GOLGA8S: variants seen among roughly 807,000 people sequenced by gnomAD.
The protein encoded by GOLGA8S is golgin A8 family member S.
Under a neutral mutation model 58.9 loss-of-function variants are expected in GOLGA8S, and 23 were observed. That is an observed-to-expected ratio of 0.39 (90% CI 0.28 to 0.55). GOLGA8S has a LOEUF of 0.55. GOLGA8S is among the 20% of genes least tolerant of loss of function. The pLI is 0.63. For synonymous variants in GOLGA8S, 84 were observed against 195.7 expected (o/e 0.43, Z 4.76); for missense variants, 266 against 514.2 (o/e 0.52, Z 4.67).
chr15:23,365,572 T>G (rs1417819777), downstream of GOLGA8S: 1 of 282,918 alleles, frequency 3.5e-6, no homozygotes, highest in Middle Eastern at 1.4e-3. Flanking sequence ...GATCTAATCT[T>G]AATCACAGTG....
chr15:23,360,566 A>G lies in GOLGA8S; in HGVS notation c.786+34A>G, dbSNP rs1248777523. 27 of 821,952 alleles carry G rather than the reference A, an allele frequency of 3.3e-5. 1 individual carries two copies. The East Asian group carries it at 3.6e-4, about 11-fold the overall frequency. The allele number at this position is 821,952 out of a possible 1,614,324, so 50.9% of individuals were successfully genotyped here. On this transcript the variant is annotated intron_variant, in intron 10 of 18. Coordinates refer to ENST00000562295, the Ensembl canonical transcript of GOLGA8S. ...TGACCCTTCAGCCCCCCCACATTAG[A>G]TAGGTCACTGGATCTTTCTGGGCAC...
intron 8 of GOLGA8S, among the ~76,000 whole-genome samples, chr15:23,359,629 A>C (rs2069751233): frequency 6.9e-6 from 1 of 144,096 alleles, no homozygotes; most frequent in African/African-American, 2.6e-5. Flanking sequence ...ATAAAAACTC[A>C]GGAGAGAGCA....
exon 18 of GOLGA8S, chr15:23,364,774 T>C: frequency 6.6e-7 from 1 of 1,515,622 alleles, no homozygotes. Context: ...ACTACAACAA[T>C]GGGCACAGAA....
At chr15:23,361,414 G>C in exon 12 of GOLGA8S, 2 of 895,342 alleles carry the variant, frequency 2.2e-6, no homozygotes, top group Non-Finnish European at 1.9e-6. Flanking sequence ...AGGAGGAGAG[G>C]CTTCAGCAGC....
At chr15:23,356,227 C>G (rs1340876821) in intron 1 of GOLGA8S, among the ~76,000 whole-genome samples, 1 of 145,272 alleles carries the variant, frequency 6.9e-6, no homozygotes, top group Non-Finnish European at 1.6e-5. Flanking sequence ...TTCACACTAA[C>G]AGACGTGTGA....
Position 23,361,446 on chromosome 15 carries a change from T to A in GOLGA8S, c.1100T>A (p.Phe367Tyr), listed in dbSNP as rs768996819. The A allele has an allele frequency of 9.0e-6, 7 of 779,634 alleles. No individual in the cohort carries two copies. In the Admixed American group the frequency reaches 1.0e-4, roughly 11 times the overall value. 48.3% of individuals were successfully genotyped at this position (779,634 alleles called of 1,614,324 possible). ...CAGCTGGCCGAGCCACAGAACAGCT[T>A]CAAGGAGCTGGTGCGTTGCCCCAGC... is the stretch of plus-strand genomic sequence containing the variant. The change falls in exon 12 of 19, where the codon TTC becomes TAC. Residue 367 changes from phenylalanine to tyrosine, a missense_variant. Physicochemically the swap from Phe to Tyr is conservative, Grantham distance 22. Transcript: ENST00000562295.
intron 4 of GOLGA8S, among the ~76,000 whole-genome samples, chr15:23,357,981 C>G (rs561374344): frequency 6.7e-6 from 1 of 149,596 alleles, no homozygotes; most frequent in African/African-American, 2.5e-5. Context: ...TTTTTGGGCT[C>G]ATGTTTCCAT....
Position 23,363,776 on chromosome 15 carries a change from C to A in GOLGA8S, c.1347+7C>A. 2 of 584,666 alleles carry A rather than the reference C, an allele frequency of 3.4e-6. 1 individual carries two copies. Among genetic ancestry groups the A allele is most frequent in the South Asian group, 3.9e-5 (2 of 51,694 alleles). The allele number at this position is 584,666 out of a possible 1,614,324, so 36.2% of individuals were successfully genotyped here. A position where few individuals can be genotyped will look rare whatever the true frequency, so the allele number is the denominator to read the frequency against. Reference sequence around the variant, plus strand: ...GGAGAGCAGGGAGGCCATGGTGAGCCTGACTCCCCCTGCACCCATTTTGCC... The same window carrying A: ...GGAGAGCAGGGAGGCCATGGTGAGCATGACTCCCCCTGCACCCATTTTGCC... On this transcript the variant is annotated splice_region_variant and intron_variant, in intron 15 of 18. Transcript: ENST00000562295.
downstream of GOLGA8S, chr15:23,365,386 G>A (rs1203608261): frequency 1.7e-5 from 10 of 605,468 alleles, no homozygotes; most frequent in Admixed American, 9.1e-5. Context: ...TAGGTCATTA[G>A]CATGCATATC....
At chr15:23,368,263 C>T (rs1329744921), downstream of GOLGA8S, among the ~76,000 whole-genome samples, 3 of 151,772 alleles carry the variant, frequency 2.0e-5, no homozygotes, top group Non-Finnish European at 4.4e-5. Context: ...CCTAGAGTGG[C>T]CTTATTGACT....
At chr15:23,367,971 C>T (rs1042580164), downstream of GOLGA8S, among the ~76,000 whole-genome samples, 14 of 151,644 alleles carry the variant, frequency 9.2e-5, no homozygotes, top group African/African-American at 3.1e-4. Flanking sequence ...GTAAATCAGC[C>T]CTATCCATAA....
chr15:23,362,029 G>GC (rs922212835), intron 13 of GOLGA8S, among the ~76,000 whole-genome samples: 11 of 140,322 alleles, frequency 7.8e-5, no homozygotes, highest in African/African-American at 2.2e-4. Flanking sequence ...GAGACATGGA[G>GC]CCCCCCCAAT....
chr15:23,361,351 G>T (rs1443840864), exon 12 of GOLGA8S: 2 of 1,157,454 alleles, frequency 1.7e-6, no homozygotes, highest in Admixed American at 1.7e-5. Context: ...TAAGTCTCCT[G>T]AATGAGGGGC....
At chr15:23,364,477 T>G in intron 16 of GOLGA8S, 34 bp downstream of exon 16, 1 of 1,605,178 alleles carries the variant, frequency 6.2e-7, no homozygotes, top group Non-Finnish European at 8.5e-7. Context: ...CAGGGGGAGC[T>G]ACAGGGCCGT....
At position 23,364,428 on chromosome 15, in the gene GOLGA8S, A is replaced by AAG. The variant is rs763678343; in HGVS notation, c.1439_1440dup (p.Cys481AspfsTer93). ...GAACTTCGCTTCATTCAATACTGGC[A>AAG]AGAGAGATGCCATCAGTGAGTGGGA... is the stretch of plus-strand genomic sequence containing the variant. On this transcript the variant is annotated frameshift_variant, in exon 16 of 19. Transcript: ENST00000562295. LOFTEE classifies it high-confidence loss of function. 1.2e-6 allele frequency: 2 copies of AAG among 1,604,110 alleles called. No homozygotes were observed. The highest frequency in any genetic ancestry group is 1.7e-6 in the Non-Finnish European group (2 of 1,179,352).
rs930259056 is a variant in GOLGA8S, at chr15:23,357,816, C to T, written c.309+197C>T. 6.7e-5 allele frequency among the ~76,000 whole-genome samples: 10 copies of T among 149,626 alleles called. 1 individual carries two copies. Among genetic ancestry groups the T allele is most frequent in the Non-Finnish European group, 1.2e-4 (8 of 67,234 alleles). On this transcript the variant is annotated intron_variant, in intron 4 of 18. Transcript: ENST00000562295. ...TTGCTGCCCTGTTTGCTGACTCTCCCCTCTCCAGATGCCCCTGCTCGAGTC... is the reference window on the plus strand; with the variant it reads ...TTGCTGCCCTGTTTGCTGACTCTCCTCTCTCCAGATGCCCCTGCTCGAGTC...
chr15:23,365,420 G>C, downstream of GOLGA8S: 1 of 552,482 alleles, frequency 1.8e-6, no homozygotes, highest in Non-Finnish European at 3.2e-6. Flanking sequence ...CGTGGTGGGG[G>C]TTCAAACACA....
In GOLGA8S at chr15:23,360,494, GC is replaced by G. The variant is rs1400007594; in HGVS notation, c.751del (p.Arg251GlyfsTer6). The stretch of plus-strand genomic sequence containing the variant: ...TGCTGAACATCTAAAAGGAGAGAGG[GC>G]CCGGTGGCAGCAGAGGATGAGAAAA... On this transcript the variant is annotated frameshift_variant, in exon 10 of 19. Coordinates refer to ENST00000562295, the Ensembl canonical transcript of GOLGA8S. LOFTEE classifies it high-confidence loss of function. 1.3e-5 allele frequency: 11 copies of G among 864,006 alleles called. No individual in the cohort carries two copies. The highest frequency in any genetic ancestry group is 2.2e-5 in the Non-Finnish European group (11 of 504,452). 53.5% of individuals were successfully genotyped at this position (864,006 alleles called of 1,614,324 possible).
Position 23,364,325 on chromosome 15 carries a change from A to C in GOLGA8S, c.1348-18A>C, listed in dbSNP as rs3881384. ...GGCAGGTCGCTGCCGAGATGTGACT[A>C]CAATATTTTGGCTCCAGAGCAGCTT... On this transcript the variant is annotated intron_variant, in intron 15 of 18. Coordinates refer to ENST00000562295, the Ensembl canonical transcript of GOLGA8S. The C allele has an allele frequency of 1.1e-4, 166 of 1,565,776 alleles. 1 individual carries two copies. Among genetic ancestry groups the C allele is most frequent in the East Asian group, 6.4e-4 (28 of 43,834 alleles).
Sources: gnomAD v4.1 joint callset for allele counts (sites outside exome capture counted in the v4.1 genomes callset) on GRCh38, gnomAD v4.1.1 for gene constraint, MANE v1.5 for transcripts, NCBI Gene and HGNC (gene_info 2026-07-23, HGNC 2026-07-21) for gene names.